Variants in INSC observed in about 807,000 individuals in gnomAD.
The protein encoded by INSC is INSC spindle orientation adaptor protein.
INSC carries 67 observed loss-of-function variants against 58.6 expected under a neutral mutation model. The ratio of observed to expected loss-of-function variants is 1.14; its 90% confidence interval spans 0.94 to 1.40. The LOEUF (loss-of-function observed/expected upper bound fraction) is 1.40, where lower values mean the gene tolerates loss of function less well. Ranked by LOEUF, INSC falls within the 40% of genes most tolerant of loss-of-function variation. INSC has a pLI of 0.00. For missense variants in INSC, 714 were observed against 692.0 expected, an observed-to-expected ratio of 1.03 and a Z score of -0.36; for synonymous variants, 262 against 276.1, an observed-to-expected ratio of 0.95 and a Z score of 0.51.
intron 12 of INSC, chr11:15,241,491 G>A: frequency 2.9e-6 from 2 of 685,076 alleles, no homozygotes; most frequent in East Asian, 5.5e-5. Flanking sequence ...TGTGACATTT[G>A]ATAAGTCACT....
At chr11:15,153,396 G>A (rs1564872449) in intron 2 of INSC, among the ~76,000 whole-genome samples, 1 of 152,238 alleles carries the variant, frequency 6.6e-6, no homozygotes, top group East Asian at 1.9e-4. Context: ...CCCTGAGCCA[G>A]TGGGGGCCAT....
At chr11:15,268,863 C>T in the INSC span, among the ~76,000 whole-genome samples, 4,048 of 152,124 alleles carry the variant, frequency 0.027, 92 homozygotes, top group Non-Finnish European at 0.04. Flanking sequence ...TATATGGATA[C>T]TATAGCAGTT....
chr11:15,243,181 G>A (rs1852423899), intron 12 of INSC, among the ~76,000 whole-genome samples: 1 of 152,114 alleles, frequency 6.6e-6, no homozygotes, highest in Admixed American at 6.5e-5. Flanking sequence ...TTGTCCCTAG[G>A]AGTGTTCCAA....
intron 1 of INSC, among the ~76,000 whole-genome samples, chr11:15,127,381 A>G (rs1240121934): frequency 6.6e-6 from 1 of 152,182 alleles, no homozygotes; most frequent in Non-Finnish European, 1.5e-5. Flanking sequence ...ATGCACCTCC[A>G]TCTTTGCATT....
At chr11:15,172,830 A>G (rs1156898247) in intron 2 of INSC, among the ~76,000 whole-genome samples, 1 of 152,060 alleles carries the variant, frequency 6.6e-6, no homozygotes, top group African/African-American at 2.4e-5. Context: ...ATGTGTGAGA[A>G]GGGAGGCTGG....
upstream of INSC, chr11:15,112,586 ATGTGAGTGTGTGTGTGTGTGTGTGTGTG>A (rs1847592603): frequency 4.5e-6 from 4 of 887,430 alleles, no homozygotes; most frequent in Non-Finnish European, 6.2e-6. Context: ...GGGAAGGTGG[ATGTGAGTGTGTGTGTGTGTGTGTGTGTG>A]TGTGTGTGTG....
Position 15,175,893 on chromosome 11 carries a change from C to G in INSC, c.209C>G (p.Pro70Arg), listed in dbSNP as rs761257731. The G allele has an allele frequency of 1.9e-6, 3 of 1,614,126 alleles. No homozygotes were observed. The highest frequency in any genetic ancestry group is 1.1e-5 in the South Asian group (1 of 91,088). ...GDLILAGGPG[P>R]GDPLQLLLKR... ...CTCATCCTGGCAGGTGGCCCTGGCC[C>G]TGGAGACCCCCTGCAGCTGCTGCTC... The change falls in exon 3 of 13, where the codon CCT becomes CGT. Residue 70 changes from proline (P) to arginine (R), a missense_variant. Pro to Arg is a moderately radical substitution (Grantham distance 103). Coordinates refer to ENST00000379556, the MANE Select transcript of INSC (RefSeq NM_001042536.3).
In INSC at chr11:15,177,140, G is replaced by T; in HGVS notation, c.432G>T (p.Ser144=). ...EIEKLLMEKC[S]ELSAVTERCL... is the part of the protein sequence containing the mutation. ...AGAAGCTGCTAATGGAGAAATGCTC[G>T]GAGCTCTCGGCAGTCACAGAGAGGT... The change falls in exon 4 of 13, where the codon TCG becomes TCT. Residue 144 remains serine, a synonymous_variant. Coordinates refer to ENST00000379556, the MANE Select transcript of INSC (RefSeq NM_001042536.3). The T allele has an allele frequency of 6.2e-7, 1 of 1,613,972 alleles. No individual in the cohort carries two copies. The highest frequency in any genetic ancestry group is 8.5e-7 in the Non-Finnish European group (1 of 1,179,948).
At chr11:15,262,605 G>A in the INSC span, among the ~76,000 whole-genome samples, 1 of 151,324 alleles carries the variant, frequency 6.6e-6, no homozygotes, top group Non-Finnish European at 1.5e-5. Context: ...TGTGCCATAA[G>A]ATGGCCCTCA....
At chr11:15,197,583 G>T (rs1168328783) in intron 6 of INSC, among the ~76,000 whole-genome samples, 2 of 152,118 alleles carry the variant, frequency 1.3e-5, no homozygotes, top group African/African-American at 4.8e-5. Flanking sequence ...CTGTTTGTTT[G>T]GGTCCTTCAT....
rs1417750034 is a variant in INSC at position 15,177,122 on chromosome 11, G to A, written c.414G>A (p.Leu138=). Residue 138 remains leucine, a synonymous_variant, in exon 4 of 13, where the codon CTG becomes CTA. Coordinates refer to ENST00000379556, the MANE Select transcript of INSC (RefSeq NM_001042536.3). ...TTATTTTTCTACAGATTGAGAAGCT[G>A]CTAATGGAGAAATGCTCGGAGCTCT... is the stretch of plus-strand genomic sequence containing the variant. The part of the protein sequence containing the change: ...SLKEMGEIEK[L]LMEKCSELSA... The A allele has an allele frequency of 1.2e-6, 2 of 1,614,056 alleles. No homozygotes were observed. Among genetic ancestry groups the A allele is most frequent in the Non-Finnish European group, 8.5e-7 (1 of 1,179,954 alleles).
intron 5 of INSC, among the ~76,000 whole-genome samples, chr11:15,179,184 AG>A (rs1414158948): frequency 6.6e-6 from 1 of 152,216 alleles, no homozygotes; most frequent in Non-Finnish European, 1.5e-5. Context: ...CTTCTCCAGA[AG>A]AAAAGTGAGA....
At chr11:15,179,458 C>G (rs760917880) in intron 5 of INSC, among the ~76,000 whole-genome samples, 19 of 152,244 alleles carry the variant, frequency 1.2e-4, no homozygotes, top group Non-Finnish European at 2.4e-4. Context: ...AATTCAGCCT[C>G]TCTGCCGAGC....
chr11:15,121,548 C>T (rs1554901083), intron 1 of INSC, among the ~76,000 whole-genome samples: 1 of 152,212 alleles, frequency 6.6e-6, no homozygotes. Context: ...AGAATAATGT[C>T]TGCCAGTTTC....
At chr11:15,217,869 A>T (rs1270994829) in intron 7 of INSC, among the ~76,000 whole-genome samples, 1 of 152,240 alleles carries the variant, frequency 6.6e-6, no homozygotes, top group East Asian at 1.9e-4. Flanking sequence ...CAAAAAATTT[A>T]AAAATCTGCC....
At chr11:15,201,008 A>G (rs1850569777) in intron 7 of INSC, 59 bp downstream of exon 7, 1 of 1,539,108 alleles carries the variant, frequency 6.5e-7, no homozygotes, top group South Asian at 1.2e-5. Flanking sequence ...GGTGAGGTCC[A>G]GGCCTCATGA....
intron 1 of INSC, among the ~76,000 whole-genome samples, chr11:15,139,489 G>A (rs1284478152): frequency 6.6e-6 from 1 of 152,192 alleles, no homozygotes; most frequent in East Asian, 1.9e-4. Context: ...TAGAATTGTT[G>A]GAGCTGAGGA....
intron 1 of INSC, among the ~76,000 whole-genome samples, chr11:15,145,493 T>A (rs184469919): frequency 1.1e-4 from 17 of 152,192 alleles, no homozygotes; most frequent in Non-Finnish European, 2.5e-4. Context: ...CTTAGGGCTA[T>A]GGGAGTCGGT....
chr11:15,260,568 A>G, the INSC span, among the ~76,000 whole-genome samples: 2 of 152,210 alleles, frequency 1.3e-5, no homozygotes, highest in African/African-American at 4.8e-5. Context: ...TAGAAATAAT[A>G]TATGGGATGT....
Sources: allele counts gnomAD v4.1 joint callset (sites outside exome capture counted in the v4.1 genomes callset), GRCh38; gene constraint gnomAD v4.1.1; transcripts MANE v1.5; gene names NCBI Gene and HGNC (gene_info 2026-07-23, HGNC 2026-07-21).